SNX13: variants seen among roughly 807,000 people sequenced by gnomAD.
The protein encoded by SNX13 is sorting nexin-13.
A neutral mutation model predicts 133.6 loss-of-function variants in SNX13; 45 were observed. That is an observed-to-expected ratio of 0.34 (90% CI 0.27 to 0.43). SNX13 has a LOEUF of 0.43. Ranked by LOEUF, SNX13 falls within the 20% of genes least tolerant of loss-of-function variation. SNX13 has a pLI of 1.00. For synonymous variants in SNX13, 414 were observed against 373.9 expected, an observed-to-expected ratio of 1.11 and a Z score of -1.24; for missense variants, 1,032 against 1,145.1, an observed-to-expected ratio of 0.90 and a Z score of 1.43.
chr7:17,883,417 T>A (rs1309730848), intron 5 of SNX13, among the ~76,000 whole-genome samples: 1 of 152,248 alleles, frequency 6.6e-6, no homozygotes, highest in Non-Finnish European at 1.5e-5. Context: ...ACTACTTTAG[T>A]AAACAGGAGT....
intron 1 of SNX13, among the ~76,000 whole-genome samples, chr7:17,915,785 T>G (rs1799497736): frequency 6.6e-6 from 1 of 152,274 alleles, no homozygotes; most frequent in East Asian, 1.9e-4. Context: ...TTAAGTTAAT[T>G]TGACACTTGA....
At chr7:17,854,452 C>A (rs541505945) in intron 9 of SNX13, among the ~76,000 whole-genome samples, 1 of 152,276 alleles carries the variant, frequency 6.6e-6, no homozygotes, top group South Asian at 2.1e-4. Context: ...TTGACTATGA[C>A]ACATCACACT....
intron 13 of SNX13, among the ~76,000 whole-genome samples, chr7:17,837,468 G>C (rs984319609): frequency 6.6e-6 from 1 of 151,942 alleles, no homozygotes; most frequent in East Asian, 1.9e-4. Context: ...AATAATTTGG[G>C]AATGTAATAA....
At chr7:17,874,256 T>C (rs1246446916) in intron 7 of SNX13, among the ~76,000 whole-genome samples, 3 of 152,050 alleles carry the variant, frequency 2.0e-5, no homozygotes, top group African/African-American at 7.2e-5. Context: ...TTTAAAAAAC[T>C]CAAGAGATGA....
intron 1 of SNX13, among the ~76,000 whole-genome samples, chr7:17,933,800 G>GAA (rs67821826): frequency 2.3e-3 from 327 of 142,420 alleles, no homozygotes; most frequent in East Asian, 3.3e-3. Flanking sequence ...GGAATATACA[G>GAA]AAAAAAAAAA....
At chr7:17,893,594 G>C (rs1303040495) in intron 2 of SNX13, among the ~76,000 whole-genome samples, 160 bp from the exon 3 acceptor site, 3 of 152,090 alleles carry the variant, frequency 2.0e-5, no homozygotes, top group Non-Finnish European at 2.9e-5. Context: ...GATTGTATTA[G>C]GTTCTGAAGT....
chr7:17,860,915 G>A (rs1202449060), intron 9 of SNX13, among the ~76,000 whole-genome samples: 2 of 152,156 alleles, frequency 1.3e-5, no homozygotes, highest in Non-Finnish European at 2.9e-5. Flanking sequence ...AATATCATTG[G>A]GATTTTGGTA....
intron 15 of SNX13, chr7:17,830,875 A>G: frequency 1.0e-6 from 1 of 984,440 alleles, no homozygotes; most frequent in Non-Finnish European, 1.2e-6. Context: ...TGGGTCTTCA[A>G]AAAAGCAACA....
intron 16 of SNX13, among the ~76,000 whole-genome samples, chr7:17,828,581 C>T (rs924955332): frequency 6.6e-6 from 1 of 151,510 alleles, no homozygotes; most frequent in African/African-American, 2.4e-5. Flanking sequence ...AGTTTACAAT[C>T]TTAAGCTATT....
chr7:17,877,339 A>T (rs1455636581), intron 5 of SNX13, among the ~76,000 whole-genome samples: 1 of 152,056 alleles, frequency 6.6e-6, no homozygotes, highest in African/African-American at 2.4e-5. Flanking sequence ...ACCTAAAATA[A>T]AAACTTAAAC....
rs1240150606 is a variant in SNX13 at position 17,940,462 on chromosome 7, C to T, written c.-167G>A. The T allele has an allele frequency of 1.3e-6, 1 of 769,512 alleles. No individual in the cohort carries two copies. The highest frequency in any genetic ancestry group is 1.5e-5 in the South Asian group (1 of 68,820). The allele number at this position is 769,512 out of a possible 1,614,324, so 47.7% of individuals were successfully genotyped here. A position where few individuals can be genotyped will look rare whatever the true frequency, so the allele number is the denominator to read the frequency against. On this transcript the variant is annotated 5_prime_UTR_variant, in exon 1 of 26. Transcript: ENST00000428135. ...CGCTGGCCTCCCCTCGGCCCGGTCGCTCGCGACGGACGCGCCGCCATCTTG... is the reference window on the plus strand; with the variant it reads ...CGCTGGCCTCCCCTCGGCCCGGTCGTTCGCGACGGACGCGCCGCCATCTTG...
At chr7:17,937,010 T>A (rs28673160) in intron 1 of SNX13, among the ~76,000 whole-genome samples, 6,861 of 63,590 alleles carry the variant, frequency 0.11, 506 homozygotes, top group African/African-American at 0.28. Context: ...TTAAAAAAAA[T>A]AAAATAAAAT....
intron 12 of SNX13, among the ~76,000 whole-genome samples, chr7:17,840,623 G>A (rs1332907730): frequency 6.6e-6 from 1 of 151,854 alleles, no homozygotes; most frequent in South Asian, 2.1e-4. Flanking sequence ...AAAGCAGTTT[G>A]GTAAATGCAC....
At chr7:17,937,375 G>A (rs1030969866) in intron 1 of SNX13, among the ~76,000 whole-genome samples, 2 of 151,800 alleles carry the variant, frequency 1.3e-5, no homozygotes, top group African/African-American at 2.4e-5. Context: ...TTGGCCCGGT[G>A]CAGTGGCTCA....
At chr7:17,798,873 A>G (rs920546578) in intron 23 of SNX13, 115 bp from the exon 24 acceptor site, 1 of 1,226,892 alleles carries the variant, frequency 8.2e-7, no homozygotes, top group Non-Finnish European at 1.1e-6. Context: ...CCTGAGAGCA[A>G]CAGACTGCTT....
At chr7:17,834,914 G>T in intron 13 of SNX13, 49 bp from the exon 14 acceptor site, 2 of 1,026,280 alleles carry the variant, frequency 1.9e-6, no homozygotes, top group Non-Finnish European at 1.5e-6. Flanking sequence ...CTTAATACAA[G>T]ATGATACTTG....
chr7:17,915,882 C>CT (rs1299090957), intron 1 of SNX13, among the ~76,000 whole-genome samples: 2 of 152,298 alleles, frequency 1.3e-5, no homozygotes, highest in African/African-American at 4.8e-5. Context: ...AGAACATACT[C>CT]TAAGACTGTC....
At chr7:17,807,568 G>T (rs546188605) in intron 20 of SNX13, among the ~76,000 whole-genome samples, 2 of 152,344 alleles carry the variant, frequency 1.3e-5, no homozygotes, top group East Asian at 3.9e-4. Flanking sequence ...CCTGCCTGCT[G>T]GCTCTGAAGA....
intron 1 of SNX13, among the ~76,000 whole-genome samples, chr7:17,903,354 C>T (rs919263425): frequency 6.6e-6 from 1 of 152,102 alleles, no homozygotes; most frequent in Non-Finnish European, 1.5e-5. Context: ...AATCTCTAGG[C>T]CATAAAATCT....
Sources: gnomAD v4.1 joint callset for allele counts (sites outside exome capture counted in the v4.1 genomes callset) on GRCh38, gnomAD v4.1.1 for gene constraint, MANE v1.5 for transcripts, NCBI Gene and HGNC (gene_info 2026-07-23, HGNC 2026-07-21) for gene names.